The following TG variants were observed in gnomAD, a reference collection of about 807,000 sequenced individuals.
TG encodes thyroglobulin, also known as thyroid hormones.
In TG, 270 loss-of-function variants were observed where a neutral mutation model predicts 324.7. The observed-to-expected ratio is 0.83, with a 90% CI of 0.75 to 0.92. TG has a LOEUF of 0.92. Among genes scored for constraint, TG ranks in the 40% least tolerant of loss-of-function variants. TG has a pLI of 0.00. For missense variants in TG, 3,591 were observed against 3,456.4 expected, an observed-to-expected ratio of 1.04 and a Z score of -0.98; for synonymous variants, 1,401 against 1,327.0, an observed-to-expected ratio of 1.06 and a Z score of -1.21.
At position 132,949,255 on chromosome 8, in the gene TG, C is replaced by T. The variant is rs117490093; in HGVS notation, c.5401+312C>T. On this transcript the variant is annotated intron_variant, in intron 27 of 47. Transcript: ENST00000220616. ...GGATCTCATCTAGTCTTGGTTGGCA[C>T]ATCTGGGCCCTGCTCTATGAGTTTC... is the stretch of plus-strand genomic sequence containing the variant. Among the ~76,000 whole-genome samples, 204 of 152,316 alleles carry T rather than the reference C, an allele frequency of 1.3e-3. 2 individuals are homozygous for T. In the East Asian group the frequency reaches 0.032, roughly 24 times the overall value.
chr8:132,935,726 G>A, intron 24 of TG, 30 bp from the exon 25 acceptor site: 1 of 1,555,818 alleles, frequency 6.4e-7, no homozygotes, highest in South Asian at 1.1e-5. Flanking sequence ...AGTATTGCAG[G>A]ATAATAATGC....
chr8:133,053,325 G>A lies in TG; in HGVS notation c.7239+23302G>A, dbSNP rs140125238. ...ACCCCCGGCTGTGAGTTCCGGGAGG[G>A]CAGAATACTGGTGTCTTCTGTGTCT... On this transcript the variant is annotated intron_variant, in intron 41 of 47. Coordinates refer to ENST00000220616, the MANE Select transcript of TG (RefSeq NM_003235.5). 2.2e-3 allele frequency among the ~76,000 whole-genome samples: 340 copies of A among 152,336 alleles called. 1 individual carries two copies. The highest frequency in any genetic ancestry group is 7.7e-3 in the African/African-American group (319 of 41,566).
chr8:132,994,788 C>T (rs764322768), intron 35 of TG: 1 of 1,286,746 alleles, frequency 7.8e-7, no homozygotes, highest in South Asian at 1.2e-5. Flanking sequence ...AACTGGAGTA[C>T]CTGGTGTCAT....
chr8:132,912,442 T>C (rs1819667961), intron 19 of TG, among the ~76,000 whole-genome samples: 1 of 152,122 alleles, frequency 6.6e-6, no homozygotes, highest in Admixed American at 6.5e-5. Flanking sequence ...ATGTTTGCTA[T>C]GTGCACGGAT....
At chr8:133,050,998 A>G in intron 41 of TG, 1 of 766,504 alleles carries the variant, frequency 1.3e-6, no homozygotes, top group South Asian at 1.5e-5. Context: ...GAGGGAGGGT[A>G]TGAAGATGAG....
intron 41 of TG, among the ~76,000 whole-genome samples, chr8:133,053,796 T>C (rs1193013328): frequency 6.6e-6 from 1 of 152,148 alleles, no homozygotes; most frequent in Non-Finnish European, 1.5e-5. Context: ...AGAGTTTCAA[T>C]TTCACAATAA....
intron 1 of TG, among the ~76,000 whole-genome samples, chr8:132,867,523 GTT>G (rs11325505): frequency 1.1e-3 from 134 of 124,904 alleles, no homozygotes; most frequent in East Asian, 2.4e-3. Context: ...CCAAGCTTCT[GTT>G]TTTTTTTTTT....
intron 43 of TG, among the ~76,000 whole-genome samples, chr8:133,108,353 T>C (rs1295889289): frequency 6.6e-6 from 1 of 152,084 alleles, no homozygotes; most frequent in Non-Finnish European, 1.5e-5. Context: ...TCAAGCTCAG[T>C]GGGGACAAAG....
Position 132,959,529 on chromosome 8 carries a change from A to G in TG, c.5402-1479A>G, listed in dbSNP as rs553285426. Among the ~76,000 whole-genome samples the G allele has an allele frequency of 2.0e-3, 299 of 152,330 alleles. 1 individual carries two copies. Among genetic ancestry groups the G allele is most frequent in the Non-Finnish European group, 1.2e-3 (79 of 68,036 alleles). On this transcript the variant is annotated intron_variant, in intron 27 of 47. Transcript: ENST00000220616. ...TTTGTATGAAAAATATATGTAAATA[A>G]AAGTATATAGAGCGTCTAGGCTTAT... is the stretch of plus-strand genomic sequence containing the variant.
At chr8:132,948,705 A>T in intron 26 of TG, 71 bp from the exon 27 acceptor site, 2 of 1,523,862 alleles carry the variant, frequency 1.3e-6, no homozygotes. Context: ...AAATGCTCTC[A>T]GGGGACAGAG....
At chr8:133,092,503 C>T (rs1220204554) in intron 41 of TG, among the ~76,000 whole-genome samples, 1 of 152,168 alleles carries the variant, frequency 6.6e-6, no homozygotes, top group Non-Finnish European at 1.5e-5. Context: ...CCTGTGGGGT[C>T]CCGTGAATGT....
rs538438553 is a variant in TG, at chr8:132,895,672, T to G, written c.3001+1743T>G. Among the ~76,000 whole-genome samples, 16 of 152,354 alleles carry G rather than the reference T, an allele frequency of 1.1e-4. No homozygotes were observed. In the South Asian group the frequency reaches 3.3e-3, roughly 32 times the overall value. On this transcript the variant is annotated intron_variant, in intron 11 of 47. Transcript: ENST00000220616. ...CTGCTTTTCTCTGTTCCTCAGAGAC[T>G]GGGAGACTTCTGCTTTTGGGAAGAA...
intron 5 of TG, 33 bp downstream of exon 5, chr8:132,873,254 C>T: frequency 6.2e-7 from 1 of 1,612,856 alleles, no homozygotes; most frequent in Non-Finnish European, 8.5e-7. Flanking sequence ...AGTCACTGGG[C>T]CATCACCTGA....
At chr8:132,967,750 T>C in intron 30 of TG, 44 bp from the exon 31 acceptor site, 2 of 1,608,720 alleles carry the variant, frequency 1.2e-6, no homozygotes, top group South Asian at 1.1e-5. Context: ...TTCTCCCCTG[T>C]AGACCCCACA....
At chr8:132,961,672 G>A (rs1472390172) in intron 28 of TG, among the ~76,000 whole-genome samples, 2 of 152,204 alleles carry the variant, frequency 1.3e-5, no homozygotes, top group Non-Finnish European at 2.9e-5. Context: ...GAGAGGCACA[G>A]CCCTGACTAT....
intron 35 of TG, among the ~76,000 whole-genome samples, chr8:132,990,552 C>T (rs1236984047): frequency 7.3e-6 from 1 of 137,076 alleles, no homozygotes; most frequent in African/African-American, 2.6e-5. Flanking sequence ...ACTGCACACC[C>T]TTAACTAACC....
Position 133,133,511 on chromosome 8 carries a change from C to T in TG, c.8039C>T (p.Thr2680Ile), listed in dbSNP as rs1450920704. ...TATGAGTTCTCACGGAAAGTACCCA[C>T]ATTTGCAACCCCCTGGCCTGACTTT... ...YPYEFSRKVP[T>I]FATPWPDFVP... The change falls in exon 47 of 48, where the codon ACA (threonine) becomes ATA (isoleucine). Residue 2680 changes from threonine to isoleucine, a missense_variant. By Grantham distance (89) the Thr-to-Ile change is moderately conservative (BLOSUM62 -1). Transcript: ENST00000220616. 5.6e-6 allele frequency: 9 copies of T among 1,614,112 alleles called. No homozygotes were observed. Among genetic ancestry groups the T allele is most frequent in the African/African-American group, 2.7e-5 (2 of 74,948 alleles).
chr8:132,957,218 C>T (rs1827014610), intron 27 of TG, among the ~76,000 whole-genome samples: 1 of 152,142 alleles, frequency 6.6e-6, no homozygotes. Flanking sequence ...GGTCAGGTGA[C>T]TTTCTGGACC....
rs1313269544 is a variant in TG, at chr8:133,024,392, T to TTCTTTC, written c.7036+2243_7036+2244insCTTTCT. On this transcript the variant is annotated intron_variant, in intron 40 of 47. Coordinates refer to ENST00000220616, the MANE Select transcript of TG (RefSeq NM_003235.5). ...TTTCTTTCTTTCTTTCTTTCTTTCT[T>TTCTTTC]TTTCTTTTTTTAATTTTACTTTAAG... 9.2e-4 allele frequency among the ~76,000 whole-genome samples: 87 copies of TTCTTTC among 94,162 alleles called. 1 individual carries two copies. The highest frequency in any genetic ancestry group is 3.8e-3 in the African/African-American group (73 of 19,234). 61.8% of individuals were successfully genotyped at this position (94,162 alleles called of 152,430 possible).
Sources: allele counts gnomAD v4.1 joint callset (sites outside exome capture counted in the v4.1 genomes callset), GRCh38; gene constraint gnomAD v4.1.1; transcripts MANE v1.5; gene names NCBI Gene and HGNC (gene_info 2026-07-23, HGNC 2026-07-21).